Variants in TNIK observed in about 807,000 individuals in gnomAD.
TNIK encodes TRAF2 and NCK interacting kinase.
Under a neutral mutation model 191.3 loss-of-function variants are expected in TNIK, and 49 were observed. The observed-to-expected ratio is 0.26, with a 90% CI of 0.20 to 0.32. The LOEUF (loss-of-function observed/expected upper bound fraction) is 0.32, where lower values mean the gene tolerates loss of function less well. Ranked by LOEUF, TNIK falls within the 10% of genes least tolerant of loss-of-function variation. The pLI is 1.00. For synonymous variants in TNIK, 594 were observed against 600.9 expected (o/e 0.99, Z 0.17); for missense variants, 1,155 against 1,702.3 (o/e 0.68, Z 5.66).
intron 15 of TNIK, among the ~76,000 whole-genome samples, chr3:171,137,001 CACTT>C (rs989824951): frequency 1.3e-4 from 19 of 150,908 alleles, no homozygotes; most frequent in East Asian, 5.9e-4. Context: ...TTTTTCCACA[CACTT>C]AGTTTAACTT....
intron 3 of TNIK, among the ~76,000 whole-genome samples, chr3:171,211,446 CA>C (rs1740812609): frequency 6.6e-6 from 1 of 152,094 alleles, no homozygotes; most frequent in Non-Finnish European, 1.5e-5. Context: ...AGCAAACTGG[CA>C]TAGCACAATC....
intron 1 of TNIK, among the ~76,000 whole-genome samples, chr3:171,454,945 T>A (rs1290621209): frequency 3.3e-5 from 5 of 152,254 alleles, no homozygotes; most frequent in Non-Finnish European, 7.3e-5. Context: ...GTGTTTGTAT[T>A]TGAATAATCG....
chr3:171,231,236 G>C (rs77372925), intron 2 of TNIK, among the ~76,000 whole-genome samples: 1,605 of 152,160 alleles, frequency 0.011, 24 homozygotes, highest in African/African-American at 0.037. Context: ...GAATAAATAA[G>C]ATATCAGCTC....
intron 1 of TNIK, among the ~76,000 whole-genome samples, chr3:171,411,109 C>T (rs1021569946): frequency 7.9e-5 from 12 of 151,650 alleles, no homozygotes; most frequent in Admixed American, 7.9e-4. Flanking sequence ...CGCTGTGTCA[C>T]CCAGGCTGGA....
At chr3:171,444,574 T>TAAAAAA (rs776537688) in intron 1 of TNIK, among the ~76,000 whole-genome samples, 5 of 90,844 alleles carry the variant, frequency 5.5e-5, no homozygotes, top group Non-Finnish European at 7.3e-5. Flanking sequence ...ATAAACTTGC[T>TAAAAAA]AAAAAAAAAA....
At chr3:171,286,063 C>T (rs1750976092) in intron 2 of TNIK, among the ~76,000 whole-genome samples, 1 of 152,152 alleles carries the variant, frequency 6.6e-6, no homozygotes, top group African/African-American at 2.4e-5. Flanking sequence ...AATACTATTC[C>T]ATATTTCCTG....
At chr3:171,149,555 A>C (rs1005388401) in intron 12 of TNIK, among the ~76,000 whole-genome samples, 2 of 152,224 alleles carry the variant, frequency 1.3e-5, no homozygotes, top group Non-Finnish European at 2.9e-5. Context: ...CTCCTTTGGC[A>C]CAACACGTAA....
At chr3:171,076,659 A>G (rs1719990515) in intron 28 of TNIK, among the ~76,000 whole-genome samples, 1 of 152,204 alleles carries the variant, frequency 6.6e-6, no homozygotes, top group African/African-American at 2.4e-5. Flanking sequence ...TCTTACAGGT[A>G]CCTATTTTAA....
At chr3:171,154,001 C>T in intron 12 of TNIK, among the ~76,000 whole-genome samples, 1 of 152,168 alleles carries the variant, frequency 6.6e-6, no homozygotes, top group East Asian at 1.9e-4. Flanking sequence ...ACATGGTGCC[C>T]ACACAACAGA....
intron 2 of TNIK, among the ~76,000 whole-genome samples, chr3:171,240,315 G>A (rs1389462742): frequency 6.6e-6 from 1 of 152,166 alleles, no homozygotes; most frequent in African/African-American, 2.4e-5. Flanking sequence ...CCCTATAGAG[G>A]ACGTGGAGGT....
chr3:171,459,582 G>GA (rs1430130529), intron 1 of TNIK, among the ~76,000 whole-genome samples: 3 of 151,956 alleles, frequency 2.0e-5, no homozygotes, highest in Non-Finnish European at 4.4e-5. Context: ...TGGAAAACGT[G>GA]AGGGGCCAGT....
At chr3:171,097,880 A>G (rs534193992) in intron 22 of TNIK, among the ~76,000 whole-genome samples, 1 of 152,356 alleles carries the variant, frequency 6.6e-6, no homozygotes, top group South Asian at 2.1e-4. Context: ...AAAGAGGCAC[A>G]GGAGCTAACT....
intron 12 of TNIK, among the ~76,000 whole-genome samples, chr3:171,149,668 T>A (rs1576968990): frequency 1.3e-5 from 2 of 152,208 alleles, no homozygotes; most frequent in African/African-American, 4.8e-5. Flanking sequence ...TACATGTGCA[T>A]GCGATTACTG....
At chr3:171,310,074 A>G (rs753652541) in intron 2 of TNIK, among the ~76,000 whole-genome samples, 17 of 151,880 alleles carry the variant, frequency 1.1e-4, no homozygotes, top group Non-Finnish European at 1.9e-4. Context: ...TACCACCTTT[A>G]CTTCTTTACT....
chr3:171,227,501 A>C (rs1048331144), intron 3 of TNIK, among the ~76,000 whole-genome samples: 1 of 152,122 alleles, frequency 6.6e-6, no homozygotes, highest in Non-Finnish European at 1.5e-5. Flanking sequence ...TAATACCTTC[A>C]CATCCTTGTT....
intron 1 of TNIK, among the ~76,000 whole-genome samples, chr3:171,444,921 C>T (rs935718775): frequency 6.6e-6 from 1 of 151,934 alleles, no homozygotes; most frequent in African/African-American, 2.4e-5. Flanking sequence ...CGCCATGTTG[C>T]CCAGGCTGAT....
intron 23 of TNIK, among the ~76,000 whole-genome samples, chr3:171,088,758 C>T (rs1000248217): frequency 1.3e-5 from 2 of 152,212 alleles, no homozygotes; most frequent in African/African-American, 4.8e-5. Context: ...CCAGTGCCCA[C>T]ATTGTAGGCC....
intron 9 of TNIK, among the ~76,000 whole-genome samples, chr3:171,167,541 C>T (rs1734757968): frequency 6.6e-6 from 1 of 151,908 alleles, no homozygotes; most frequent in African/African-American, 2.4e-5. Context: ...ACATAGCAGA[C>T]CAAAAGGACG....
chr3:171,402,877 T>A (rs1320924901), intron 1 of TNIK, among the ~76,000 whole-genome samples: 2 of 152,226 alleles, frequency 1.3e-5, no homozygotes, highest in African/African-American at 4.8e-5. Flanking sequence ...TAATCACTCA[T>A]CTAACAGTAA....
Sources: allele counts gnomAD v4.1 joint callset (sites outside exome capture counted in the v4.1 genomes callset), GRCh38; gene constraint gnomAD v4.1.1; transcripts MANE v1.5; gene names NCBI Gene and HGNC (gene_info 2026-07-23, HGNC 2026-07-21).